Variants in NLRP9 observed in about 807,000 individuals in gnomAD.
NLRP9 encodes NLR family pyrin domain containing 9, also known as NACHT, LRR and PYD domains-containing protein 9.
NLRP9 carries 88 observed loss-of-function variants against 83.1 expected under a neutral mutation model. The ratio of observed to expected loss-of-function variants is 1.06; its 90% confidence interval spans 0.89 to 1.26. NLRP9 has a LOEUF of 1.26. Ranked by LOEUF, NLRP9 falls within the 50% of genes most tolerant of loss-of-function variation. The pLI, the probability that NLRP9 is intolerant of heterozygous loss-of-function variation, is 0.00. For missense variants in NLRP9, 1,308 were observed against 1,179.3 expected (o/e 1.11, Z -1.60); for synonymous variants, 521 against 447.6 (o/e 1.16, Z -2.07).
chr19:55,711,718 A>G (rs1987734366), intron 8 of NLRP9, 82 bp downstream of exon 8: 7 of 1,372,418 alleles, frequency 5.1e-6, no homozygotes, highest in African/African-American at 1.4e-5. Context: ...CCTGGCATCC[A>G]TCATGTCGCG....
chr19:55,735,741 G>A (rs979765357), intron 1 of NLRP9, among the ~76,000 whole-genome samples: 1 of 151,970 alleles, frequency 6.6e-6, no homozygotes, highest in Non-Finnish European at 1.5e-5. Context: ...AGGCTAAAGT[G>A]CAGTGGTGTG....
chr19:55,711,490 T>C (rs1031480437), intron 8 of NLRP9: 4 of 1,345,340 alleles, frequency 3.0e-6, no homozygotes, highest in Admixed American at 2.2e-5. Context: ...GAAGATGTTT[T>C]ATAGAGCAGT....
intron 1 of NLRP9, among the ~76,000 whole-genome samples, chr19:55,734,007 C>T (rs912181714): frequency 6.8e-6 from 1 of 147,840 alleles, no homozygotes; most frequent in Non-Finnish European, 1.5e-5. Context: ...ACTGCAAGCT[C>T]CGCCTCCCGG....
intron 4 of NLRP9, among the ~76,000 whole-genome samples, chr19:55,722,207 T>G (rs1988249083): frequency 6.6e-6 from 1 of 152,144 alleles, no homozygotes; most frequent in African/African-American, 2.4e-5. Context: ...AAGGCAACAT[T>G]CCCAGCTACA....
chr19:55,718,729 G>A (rs1037159896), intron 4 of NLRP9, among the ~76,000 whole-genome samples: 9 of 152,368 alleles, frequency 5.9e-5, no homozygotes, highest in Non-Finnish European at 1.3e-4. Context: ...GGAACTCAGA[G>A]ACCAGCGCCA....
chr19:55,714,293 A>G (rs1221257571), intron 6 of NLRP9, among the ~76,000 whole-genome samples: 2 of 151,270 alleles, frequency 1.3e-5, no homozygotes, highest in Non-Finnish European at 2.9e-5. Flanking sequence ...GGCTCTAGCT[A>G]TCCTCTCATT....
At chr19:55,731,910 A>G (rs1988582823) in intron 2 of NLRP9, 89 bp downstream of exon 2, 3 of 791,380 alleles carry the variant, frequency 3.8e-6, no homozygotes, top group African/African-American at 3.5e-5. Context: ...TTTTAAGCAC[A>G]GTGGCATAAG....
rs1024328217 is a variant in NLRP9 at position 55,729,996 on chromosome 19, T to C, written c.1833-4A>G. On this transcript the variant is annotated splice_polypyrimidine_tract_variant and splice_region_variant and intron_variant, in intron 2 of 8. Transcript: ENST00000332836. ...GTAGACGAGCTTCTCATTGTAACTA[T>C]GAGAGAACAAAGATTGTGATTCTCC... 5.0e-6 allele frequency: 8 copies of C among 1,610,106 alleles called. No individual in the cohort carries two copies. The highest frequency in any genetic ancestry group is 5.9e-6 in the Non-Finnish European group (7 of 1,178,234).
intron 4 of NLRP9, among the ~76,000 whole-genome samples, chr19:55,719,917 A>G (rs149002684): frequency 6.0e-4 from 92 of 152,328 alleles, no homozygotes; most frequent in African/African-American, 2.1e-3. Flanking sequence ...CATTGCCTAC[A>G]ATGGGACGAA....
chr19:55,716,346 C>T (rs1988011052), intron 5 of NLRP9, among the ~76,000 whole-genome samples: 1 of 150,998 alleles, frequency 6.6e-6, no homozygotes, highest in African/African-American at 2.4e-5. Flanking sequence ...GCAACCTCCA[C>T]CTCCTGGGTT....
intron 7 of NLRP9, 33 bp downstream of exon 7, chr19:55,712,387 A>T: frequency 6.3e-7 from 1 of 1,574,812 alleles, no homozygotes; most frequent in Non-Finnish European, 8.7e-7. Context: ...AAATAGATAA[A>T]TTTTCCTACG....
At chr19:55,721,336 G>A (rs1988219695) in intron 4 of NLRP9, among the ~76,000 whole-genome samples, 1 of 152,170 alleles carries the variant, frequency 6.6e-6, no homozygotes, top group African/African-American at 2.4e-5. Flanking sequence ...CTGATGTGGA[G>A]AAACAGGTGT....
chr19:55,712,535 TAAG>T lies in NLRP9; in HGVS notation c.2554_2556del (p.Leu852del), dbSNP rs770029047. The T allele has an allele frequency of 1.9e-6, 3 of 1,612,470 alleles. No homozygotes were observed. The highest frequency in any genetic ancestry group is 2.5e-6 in the Non-Finnish European group (3 of 1,179,840). The stretch of plus-strand genomic sequence containing the variant: ...AGGGTCTTCAGTTTCCCATTGCAAA[TAAG>T]AACAGCAGCAATGTCCTTACAGGAA... On this transcript the variant is annotated inframe_deletion, in exon 7 of 9. Coordinates refer to ENST00000332836, the MANE Select transcript of NLRP9 (RefSeq NM_176820.4).
Position 55,732,994 on chromosome 19 carries a change from A to T in NLRP9, c.837T>A (p.Ala279=). The change falls in exon 2 of 9, where the codon GCT becomes GCA. Residue 279 remains alanine, a synonymous_variant. Transcript: ENST00000332836. Reference sequence around the variant, plus strand: ...GCAACATAAAATAGTGTTTTTGCATAGCCAGTTTTCCTAATGCAATAAGGA... The same window carrying T: ...GCAACATAAAATAGTGTTTTTGCATTGCCAGTTTTCCTAATGCAATAAGGA... The part of the protein sequence containing the change: ...SSLLIALGKL[A]MQKHYFMLRH... 6.2e-7 allele frequency: 1 copy of T among 1,614,214 alleles called. No individual in the cohort carries two copies. The highest frequency in any genetic ancestry group is 8.5e-7 in the Non-Finnish European group (1 of 1,180,024).
chr19:55,735,980 G>A (rs868855877), intron 1 of NLRP9, among the ~76,000 whole-genome samples: 10 of 151,754 alleles, frequency 6.6e-5, no homozygotes, highest in Middle Eastern at 3.4e-3. Flanking sequence ...GAGCCACCAC[G>A]CCTGGCAAAA....
rs780859449 is a variant in NLRP9, at chr19:55,724,042, C to G, written c.2097G>C (p.Gln699His). The G allele has an allele frequency of 6.2e-7, 1 of 1,613,964 alleles. No individual in the cohort carries two copies. The highest frequency in any genetic ancestry group is 1.1e-5 in the South Asian group (1 of 91,074). The change falls in exon 4 of 9, where the codon CAG becomes CAC. Residue 699 changes from glutamine (Q) to histidine (H), a missense_variant. Transcript: ENST00000332836. ...LLSLYGTSLS[Q>H]SDIRHLCETL... Reference sequence around the variant, plus strand: ...TCTCACACAGGTGTCTGATGTCAGACTGGGAGAGGCTAGTGCCGTACAGGC... The same window carrying G: ...TCTCACACAGGTGTCTGATGTCAGAGTGGGAGAGGCTAGTGCCGTACAGGC...
At chr19:55,716,004 G>A (rs1280872446) in intron 5 of NLRP9, among the ~76,000 whole-genome samples, 1 of 152,212 alleles carries the variant, frequency 6.6e-6, no homozygotes, top group African/African-American at 2.4e-5. Flanking sequence ...CAGATGATGA[G>A]TATGTTAGTT....
At chr19:55,731,862 G>A in intron 2 of NLRP9, 137 bp downstream of exon 2, 2 of 588,346 alleles carry the variant, frequency 3.4e-6, no homozygotes, top group South Asian at 2.6e-5. Flanking sequence ...GCAGTGCCAA[G>A]GCTCGAAAGG....
intron 6 of NLRP9, among the ~76,000 whole-genome samples, chr19:55,713,903 C>T (rs1377753374): frequency 9.7e-6 from 1 of 102,914 alleles, no homozygotes; most frequent in East Asian, 2.6e-4. Context: ...CTTCTCTGCT[C>T]ATCTAGTGGC....
Sources: gnomAD v4.1 joint callset for allele counts (sites outside exome capture counted in the v4.1 genomes callset) on GRCh38, gnomAD v4.1.1 for gene constraint, MANE v1.5 for transcripts, NCBI Gene and HGNC (gene_info 2026-07-23, HGNC 2026-07-21) for gene names.